MYO3A: variants seen among roughly 807,000 people sequenced by gnomAD.
MYO3A encodes myosin IIIA, also known as myosin-IIIa.
Under a neutral mutation model 192.7 loss-of-function variants are expected in MYO3A, and 180 were observed. That is an observed-to-expected ratio of 0.93 (90% CI 0.83 to 1.06). The LOEUF (loss-of-function observed/expected upper bound fraction) is 1.06. Among genes scored for constraint, MYO3A ranks in the 50% least tolerant of loss-of-function variants. The pLI is 0.00. For synonymous variants in MYO3A, 628 were observed against 645.3 expected, an observed-to-expected ratio of 0.97 and a Z score of 0.41; for missense variants, 1,896 against 1,905.0, an observed-to-expected ratio of 1.00 and a Z score of 0.09.
Position 25,954,900 on chromosome 10 carries a change from A to G in MYO3A, c.195A>G (p.Glu65=). ...IHDIDEEIEA[E]YNILKALSDH... Reference sequence around the variant, plus strand: ...ATATTGACGAAGAGATTGAAGCAGAATATAACATCTTAAAAGCACTTTCTG... The same window carrying G: ...ATATTGACGAAGAGATTGAAGCAGAGTATAACATCTTAAAAGCACTTTCTG... Residue 65 remains glutamate, a synonymous_variant, in exon 4 of 35, where the codon GAA becomes GAG. Coordinates refer to ENST00000642920, the MANE Select transcript of MYO3A (RefSeq NM_017433.5). 6.2e-7 allele frequency: 1 copy of G among 1,612,546 alleles called. No individual in the cohort carries two copies. Among genetic ancestry groups the G allele is most frequent in the Non-Finnish European group, 8.5e-7 (1 of 1,178,878 alleles).
intron 12 of MYO3A, among the ~76,000 whole-genome samples, 165 bp downstream of exon 12, chr10:26,069,049 A>G (rs1031529292): frequency 6.6e-6 from 1 of 152,082 alleles, no homozygotes; most frequent in Non-Finnish European, 1.5e-5. Context: ...GATAGAGTCA[A>G]TCTGGGTGCA....
At chr10:26,099,652 G>T (rs532245597) in intron 17 of MYO3A, among the ~76,000 whole-genome samples, 14 of 152,276 alleles carry the variant, frequency 9.2e-5, no homozygotes, top group African/African-American at 3.1e-4. Flanking sequence ...GGCCTTTTCT[G>T]CATCTATTGA....
chr10:26,208,204 T>A (rs1844063137), intron 34 of MYO3A, among the ~76,000 whole-genome samples: 1 of 152,030 alleles, frequency 6.6e-6, no homozygotes, highest in South Asian at 2.1e-4. Flanking sequence ...CCTAGTGGGG[T>A]CTCTGTTGGG....
At chr10:26,110,815 A>G (rs951156757) in intron 17 of MYO3A, among the ~76,000 whole-genome samples, 7 of 151,318 alleles carry the variant, frequency 4.6e-5, no homozygotes, top group South Asian at 4.2e-4. Flanking sequence ...TAGGACCTGG[A>G]GTCAGAGATG....
intron 32 of MYO3A, among the ~76,000 whole-genome samples, chr10:26,194,093 T>G (rs1374391305): frequency 6.6e-6 from 1 of 152,180 alleles, no homozygotes. Flanking sequence ...AAAAGCTCAC[T>G]CCAACTCATT....
intron 10 of MYO3A, among the ~76,000 whole-genome samples, chr10:26,052,306 A>C (rs1844051653): frequency 1.3e-5 from 2 of 152,210 alleles, no homozygotes; most frequent in South Asian, 4.1e-4. Context: ...ATTAAAGTAC[A>C]TCTTTAAAGA....
At chr10:25,996,286 A>T (rs1246509577) in intron 4 of MYO3A, among the ~76,000 whole-genome samples, 3 of 152,240 alleles carry the variant, frequency 2.0e-5, no homozygotes, top group Admixed American at 2.0e-4. Context: ...AAATTAATTC[A>T]TGTGAAAATT....
chr10:26,069,271 A>G (rs574770842), intron 12 of MYO3A, among the ~76,000 whole-genome samples: 38 of 152,238 alleles, frequency 2.5e-4, no homozygotes, highest in African/African-American at 8.9e-4. Context: ...TTATGTAGAT[A>G]ATACATACTT....
rs969129784 is a variant in MYO3A, at chr10:26,096,366, T to C, written c.1563-15T>C. 5 of 1,539,160 alleles carry C rather than the reference T, an allele frequency of 3.2e-6. No homozygotes were observed. The highest frequency in any genetic ancestry group is 1.7e-5 in the Admixed American group (1 of 59,618). On this transcript the variant is annotated splice_polypyrimidine_tract_variant and intron_variant, in intron 15 of 34. Transcript: ENST00000642920. ...TTCTTACTAACTACCTTACTGTAAATATCTTTTTTTCCAGTGGAGAAAAAA... is the reference window on the plus strand; with the variant it reads ...TTCTTACTAACTACCTTACTGTAAACATCTTTTTTTCCAGTGGAGAAAAAA...
At chr10:26,050,362 A>G (rs925324206) in intron 10 of MYO3A, among the ~76,000 whole-genome samples, 1 of 152,176 alleles carries the variant, frequency 6.6e-6, no homozygotes, top group African/African-American at 2.4e-5. Flanking sequence ...GAAAAGGTAA[A>G]CACCATCAAC....
chr10:25,982,334 T>G (rs970199045), intron 4 of MYO3A, among the ~76,000 whole-genome samples: 2 of 152,096 alleles, frequency 1.3e-5, no homozygotes, highest in African/African-American at 4.8e-5. Context: ...GAGGAAGGTC[T>G]TGGAAGACAA....
intron 4 of MYO3A, among the ~76,000 whole-genome samples, chr10:25,992,728 A>G (rs1840131329): frequency 6.6e-6 from 1 of 152,162 alleles, no homozygotes; most frequent in Admixed American, 6.5e-5. Context: ...GGGCTGTTGA[A>G]TTTTGTTGAA....
chr10:26,071,267 G>T (rs930468082), intron 14 of MYO3A, among the ~76,000 whole-genome samples: 7 of 152,068 alleles, frequency 4.6e-5, no homozygotes, highest in African/African-American at 1.7e-4. Context: ...TGACAAAGTT[G>T]TAAAATTCAT....
At chr10:26,011,457 A>AAG (rs140750661) in intron 6 of MYO3A, among the ~76,000 whole-genome samples, 14,253 of 151,994 alleles carry the variant, frequency 0.094, 1,175 homozygotes, top group African/African-American at 0.21. Context: ...AAAAAAGAAA[A>AAG]TTATGATTTA....
intron 23 of MYO3A, among the ~76,000 whole-genome samples, chr10:26,147,869 G>A (rs1323909358): frequency 6.6e-6 from 1 of 152,080 alleles, no homozygotes; most frequent in Non-Finnish European, 1.5e-5. Flanking sequence ...ATCAGGAGTG[G>A]GCAGCTTTTG....
Position 26,202,152 on chromosome 10 carries a change from T to C in MYO3A, c.4587-812T>C, listed in dbSNP as rs16926674. Among the ~76,000 whole-genome samples the C allele has an allele frequency of 5.7e-3, 868 of 152,366 alleles. 6 individuals carry two copies. Among genetic ancestry groups the C allele is most frequent in the African/African-American group, 0.02 (829 of 41,586 alleles). On this transcript the variant is annotated intron_variant, in intron 33 of 34. Transcript: ENST00000642920. ...ATATCACTGTTTTAATCAATGTTCA[T>C]GTCAACCAATTTCCAGACAGTGAGT... is the stretch of plus-strand genomic sequence containing the variant.
At chr10:26,170,928 C>G (rs1367825763) in intron 29 of MYO3A, among the ~76,000 whole-genome samples, 1 of 152,180 alleles carries the variant, frequency 6.6e-6, no homozygotes, top group African/African-American at 2.4e-5. Context: ...GCTCTTTCTT[C>G]TTGTGAGCCC....
At chr10:26,117,690 A>G (rs1235099707) in intron 17 of MYO3A, among the ~76,000 whole-genome samples, 1 of 152,202 alleles carries the variant, frequency 6.6e-6, no homozygotes, top group Admixed American at 6.5e-5. Flanking sequence ...TTCTGTGGCT[A>G]CATAGTATTC....
intron 23 of MYO3A, among the ~76,000 whole-genome samples, chr10:26,150,340 G>C (rs982604389): frequency 2.1e-4 from 32 of 152,064 alleles, no homozygotes; most frequent in African/African-American, 7.5e-4. Context: ...AGTAATGCTG[G>C]CCTCATAGAA....
Sources: gnomAD v4.1 joint callset for allele counts (sites outside exome capture counted in the v4.1 genomes callset) on GRCh38, gnomAD v4.1.1 for gene constraint, MANE v1.5 for transcripts, NCBI Gene and HGNC (gene_info 2026-07-23, HGNC 2026-07-21) for gene names.